The following ATCAY variants were observed in gnomAD, a reference collection of about 807,000 sequenced individuals.
The protein encoded by ATCAY is ATCAY kinesin light chain interacting caytaxin.
Under a neutral mutation model 47.7 loss-of-function variants are expected in ATCAY, and 22 were observed. The ratio of observed to expected loss-of-function variants is 0.46; its 90% CI spans 0.33 to 0.66. ATCAY has a LOEUF of 0.66. Ranked by LOEUF, ATCAY falls within the 30% of genes least tolerant of loss-of-function variation. ATCAY has a pLI of 0.02. For missense variants in ATCAY, 452 were observed against 515.0 expected, an observed-to-expected ratio of 0.88 and a Z score of 1.18; for synonymous variants, 216 against 207.6, an observed-to-expected ratio of 1.04 and a Z score of -0.35.
At position 3,903,904 on chromosome 19, in the gene ATCAY, C is replaced by T. The variant is rs537478170; in HGVS notation, c.136+1359C>T. ...CTGTAATCCCAGCACTTTGGGAGGCCGAGGCGGGCAGATCACGAGGTCAGG... is the reference window on the plus strand; with the variant it reads ...CTGTAATCCCAGCACTTTGGGAGGCTGAGGCGGGCAGATCACGAGGTCAGG... On this transcript the variant is annotated intron_variant, in intron 3 of 12. Transcript: ENST00000450849. Among the ~76,000 whole-genome samples, 6 of 148,330 alleles carry T rather than the reference C, an allele frequency of 4.0e-5. No individual in the cohort carries two copies. The South Asian group carries it at 6.4e-4, about 16-fold the overall frequency.
intron 9 of ATCAY, among the ~76,000 whole-genome samples, chr19:3,916,109 C>T (rs538868637): frequency 3.9e-5 from 6 of 152,056 alleles, no homozygotes; most frequent in East Asian, 3.9e-4. Context: ...GGGAGTCTGA[C>T]GACTCTAGGG....
intron 2 of ATCAY, among the ~76,000 whole-genome samples, chr19:3,888,427 C>G (rs964094983): frequency 6.6e-6 from 1 of 151,460 alleles, no homozygotes; most frequent in African/African-American, 2.4e-5. Context: ...GTCAGGAGTT[C>G]GAGGCCAGCC....
intron 9 of ATCAY, among the ~76,000 whole-genome samples, 170 bp downstream of exon 9, chr19:3,914,026 G>C (rs1412710714): frequency 1.3e-5 from 2 of 151,782 alleles, no homozygotes; most frequent in Non-Finnish European, 2.9e-5. Flanking sequence ...CACGAGGTCA[G>C]GGGATCGAGA....
rs373780288 is a variant in ATCAY at position 3,909,563 on chromosome 19, G to A, written c.725G>A (p.Arg242Gln). 7.4e-6 allele frequency: 12 copies of A among 1,613,290 alleles called. No homozygotes were observed. The highest frequency in any genetic ancestry group is 2.5e-6 in the Non-Finnish European group (3 of 1,179,682). Reference protein sequence around the residue: ...IVYLNGATPRRRMPGIGWLKK... With the variant: ...IVYLNGATPRQRMPGIGWLKK... ...TACCTGAACGGTGCCACGCCCCGGC[G>A]GAGGATGCCTGGAATCGGCTGGCTG... The change falls in exon 7 of 13, where the codon CGG becomes CAG. Residue 242 changes from arginine to glutamine, a missense_variant. Physicochemically the swap from Arg to Gln is conservative, Grantham distance 43. Coordinates refer to ENST00000450849, the MANE Select transcript of ATCAY (RefSeq NM_033064.5).
intron 9 of ATCAY, among the ~76,000 whole-genome samples, chr19:3,914,412 G>T (rs923526994): frequency 2.0e-5 from 3 of 151,762 alleles, no homozygotes; most frequent in African/African-American, 4.8e-5. Flanking sequence ...TCACTGTCGC[G>T]AGAATAGCAC....
chr19:3,891,067 T>A (rs529279014), intron 2 of ATCAY, among the ~76,000 whole-genome samples: 1 of 151,590 alleles, frequency 6.6e-6, no homozygotes, highest in Non-Finnish European at 1.5e-5. Context: ...TTTTTTTTTT[T>A]TGGAGACAGA....
intron 1 of ATCAY, among the ~76,000 whole-genome samples, chr19:3,882,862 G>C (rs566325561): frequency 6.6e-6 from 1 of 152,182 alleles, no homozygotes; most frequent in South Asian, 2.1e-4. Flanking sequence ...TGTTGCCCAG[G>C]CTGGTCTTGA....
In ATCAY at chr19:3,925,503, G is replaced by C. The variant is rs1030673906; in HGVS notation, c.*911G>C. On this transcript the variant is annotated 3_prime_UTR_variant, in exon 13 of 13. Coordinates refer to ENST00000450849, the MANE Select transcript of ATCAY (RefSeq NM_033064.5). The surrounding 1 kb of genome is among the most constrained non-coding windows in gnomAD (Gnocchi z 4.4). ...TAGCAAGAGGAAGATACAGGGTATC[G>C]GGCGTTTGAGTGTTTCAGAAGTCAT... 6.6e-6 allele frequency: 1 copy of C among 152,210 alleles called. No homozygotes were observed. Among genetic ancestry groups the C allele is most frequent in the Non-Finnish European group, 1.5e-5 (1 of 68,038 alleles). The allele number at this position is 152,210 out of a possible 1,614,324, so 9.4% of individuals were successfully genotyped here.
rs772127259 is a variant in ATCAY at position 3,885,809 on chromosome 19, C to T, written c.42C>T (p.Asp14=). 3.5e-5 allele frequency: 55 copies of T among 1,552,148 alleles called. No individual in the cohort carries two copies. Among genetic ancestry groups the T allele is most frequent in the Non-Finnish European group, 4.4e-5 (50 of 1,147,710 alleles). ...CCACGCTCCGGATGGAAAACGTGGA[C>T]GTGAAGGAGGAATGGCAGGACGAAG... ...TEATLRMENV[D]VKEEWQDEDL... Residue 14 remains aspartate, a synonymous_variant, in exon 2 of 13, where the codon GAC becomes GAT. Coordinates refer to ENST00000450849, the MANE Select transcript of ATCAY (RefSeq NM_033064.5).
Position 3,909,571 on chromosome 19 carries a change from C to T in ATCAY, c.733C>T (p.Pro245Ser), listed in dbSNP as rs2038905009. Residue 245 changes from proline (P) to serine (S), a missense_variant, in exon 7 of 13, where the codon CCT becomes TCT. By Grantham distance (74) the Pro-to-Ser change is moderately conservative (BLOSUM62 -1). Transcript: ENST00000450849. ...CGGTGCCACGCCCCGGCGGAGGATG[C>T]CTGGAATCGGCTGGCTGAAGAAGTG... is the stretch of plus-strand genomic sequence containing the variant. Reference protein sequence around the residue: ...LNGATPRRRMPGIGWLKKCYQ... With the variant: ...LNGATPRRRMSGIGWLKKCYQ... 1 of 1,612,552 alleles carries T rather than the reference C, an allele frequency of 6.2e-7. No homozygotes were observed.
At position 3,908,205 on chromosome 19, in the gene ATCAY, C is replaced by T. The variant is rs966278492; in HGVS notation, c.545-63C>T. The T allele has an allele frequency of 3.9e-5, 55 of 1,410,302 alleles. No individual in the cohort carries two copies. In the African/African-American group the frequency reaches 5.7e-4, roughly 15 times the overall value. 87.4% of individuals were successfully genotyped at this position (1,410,302 alleles called of 1,614,324 possible). A position where few individuals can be genotyped will look rare whatever the true frequency, so the allele number is the denominator to read the frequency against. ...GGGCACCGGGACGTGGTGGGTGGTG[C>T]GCGGGAGGCAGCTCAGGGCTGGGAG... On this transcript the variant is annotated intron_variant, in intron 5 of 12. Coordinates refer to ENST00000450849, the MANE Select transcript of ATCAY (RefSeq NM_033064.5).
intron 2 of ATCAY, among the ~76,000 whole-genome samples, chr19:3,890,324 G>A (rs1000017248): frequency 1.5e-5 from 2 of 137,496 alleles, no homozygotes; most frequent in African/African-American, 2.7e-5. Context: ...GTGCAGTGGC[G>A]CGAGTTCGGC....
At chr19:3,899,315 T>TC (rs1300062599) in intron 2 of ATCAY, among the ~76,000 whole-genome samples, 1 of 146,322 alleles carries the variant, frequency 6.8e-6, no homozygotes, top group Non-Finnish European at 1.5e-5. Context: ...AATCTTTTTT[T>TC]TTTTTTTTTT....
intron 2 of ATCAY, among the ~76,000 whole-genome samples, chr19:3,899,741 G>C (rs1224584895): frequency 6.6e-6 from 1 of 152,150 alleles, no homozygotes; most frequent in Admixed American, 6.6e-5. Flanking sequence ...TGGCTTTCCG[G>C]AGTCAGCACG....
In ATCAY at chr19:3,907,922, G is replaced by C; in HGVS notation, c.544+3G>C. On this transcript the variant is annotated splice_donor_region_variant and intron_variant, in intron 5 of 12. Transcript: ENST00000450849. The surrounding 1 kb of genome is among the most constrained non-coding windows in gnomAD (Gnocchi z 5.1). ...CATGAAAGTGGTCACCCACGGAGGT[G>C]AGACCCGCCCCCCGGTGCCCCCTTG... 6.2e-6 allele frequency: 10 copies of C among 1,612,642 alleles called. No homozygotes were observed. The highest frequency in any genetic ancestry group is 4.2e-6 in the Non-Finnish European group (5 of 1,179,342).
intron 1 of ATCAY, among the ~76,000 whole-genome samples, chr19:3,881,449 G>A (rs2038598628): frequency 6.6e-6 from 1 of 151,922 alleles, no homozygotes; most frequent in South Asian, 2.1e-4. Context: ...GGAGGAAGGG[G>A]GTGGTTTATG....
At chr19:3,903,821 G>A (rs1186570385) in intron 3 of ATCAY, among the ~76,000 whole-genome samples, 3 of 149,302 alleles carry the variant, frequency 2.0e-5, no homozygotes, top group South Asian at 4.6e-4. Flanking sequence ...CACTGCACCC[G>A]GCCGCCTGTC....
At chr19:3,887,690 G>A (rs931851004) in intron 2 of ATCAY, among the ~76,000 whole-genome samples, 1 of 150,052 alleles carries the variant, frequency 6.7e-6, no homozygotes, top group Admixed American at 6.6e-5. Flanking sequence ...GTTTCACCAT[G>A]TTAGCCAGGA....
At chr19:3,901,781 G>T (rs1348357403) in intron 2 of ATCAY, among the ~76,000 whole-genome samples, 1 of 152,148 alleles carries the variant, frequency 6.6e-6, no homozygotes, top group Non-Finnish European at 1.5e-5. Flanking sequence ...CAGATCACAA[G>T]GTCAGGAGTT....
Sources: gnomAD v4.1 joint callset for allele counts (sites outside exome capture counted in the v4.1 genomes callset) on GRCh38, gnomAD v4.1.1 for gene constraint, Gnocchi (gnomAD v3.1) non-coding constraint, MANE v1.5 for transcripts, NCBI Gene and HGNC (gene_info 2026-07-23, HGNC 2026-07-21) for gene names.